BBS12: variants seen among roughly 807,000 people sequenced by gnomAD.
BBS12 encodes Bardet-Biedl syndrome 12.
In BBS12, 5 loss-of-function variants were observed where a neutral mutation model predicts 5.6. That is an observed-to-expected ratio of 0.89 (90% confidence interval 0.46 to 1.86). The LOEUF (loss-of-function observed/expected upper bound fraction) is 1.86, where lower values mean the gene tolerates loss of function less well. BBS12 is among the 40% of genes most tolerant of loss of function. The pLI, the probability that BBS12 is intolerant of heterozygous loss-of-function variation, is 0.01. For missense variants in BBS12, 748 were observed against 830.4 expected, an observed-to-expected ratio of 0.90 and a Z score of 1.22; for synonymous variants, 308 against 306.8, an observed-to-expected ratio of 1.00 and a Z score of -0.04.
intron 1 of BBS12, among the ~76,000 whole-genome samples, chr4:122,738,060 A>G (rs769178131): frequency 1.3e-5 from 2 of 152,246 alleles, no homozygotes; most frequent in African/African-American, 2.4e-5. Context: ...AGATGAAACT[A>G]TAAAACTCTT....
chr4:122,725,477 G>C, the BBS12 span, among the ~76,000 whole-genome samples: 6 of 152,296 alleles, frequency 3.9e-5, no homozygotes, highest in South Asian at 6.2e-4. Flanking sequence ...ACAGCCAACT[G>C]ATCTTCGACA....
the BBS12 span, among the ~76,000 whole-genome samples, chr4:122,711,359 G>GAA: frequency 2.0e-4 from 27 of 135,112 alleles, 1 homozygote; most frequent in East Asian, 1.3e-3. Context: ...ATCCTGATTG[G>GAA]AAAAAAAAAA....
chr4:122,740,283 A>G (rs1486779630), intron 1 of BBS12, among the ~76,000 whole-genome samples: 2 of 152,224 alleles, frequency 1.3e-5, no homozygotes, highest in Non-Finnish European at 2.9e-5. Flanking sequence ...AAAAATAAAA[A>G]GAATGCTAAT....
intron 1 of BBS12, among the ~76,000 whole-genome samples, chr4:122,738,956 A>T (rs965305427): frequency 4.6e-5 from 7 of 152,182 alleles, no homozygotes; most frequent in Non-Finnish European, 1.0e-4. Flanking sequence ...TTCTTTGTAG[A>T]TGTAATTAGC....
In BBS12 at chr4:122,742,568, T is replaced by G. The variant is rs761533629; in HGVS notation, c.676T>G (p.Cys226Gly). ...AAACAGCCTGCTTGCAGATACCTGC[T>G]GCAGACAGTCAATACTAATCCACAG... ...LKNSLLADTC[C>G]RQSILIHSRH... is the part of the protein sequence containing the mutation. Residue 226 changes from cysteine (C) to glycine (G), a missense_variant, in exon 2 of 2, where the codon TGC (cysteine) becomes GGC (glycine). Coordinates refer to ENST00000314218, the MANE Select transcript of BBS12 (RefSeq NM_152618.3). 1 of 1,614,216 alleles carries G rather than the reference T, an allele frequency of 6.2e-7. No homozygotes were observed. Among genetic ancestry groups the G allele is most frequent in the Non-Finnish European group, 8.5e-7 (1 of 1,180,038 alleles).
chr4:122,709,530 G>C, the BBS12 span, among the ~76,000 whole-genome samples: 1 of 152,148 alleles, frequency 6.6e-6, no homozygotes, highest in Non-Finnish European at 1.5e-5. Flanking sequence ...ATTCTAATAG[G>C]TTACTCAGTG....
the BBS12 span, among the ~76,000 whole-genome samples, chr4:122,700,550 TC>T: frequency 1.3e-5 from 2 of 152,200 alleles, no homozygotes; most frequent in Non-Finnish European, 2.9e-5. Context: ...GATTCTGTTG[TC>T]CTTTGCTGCC....
the BBS12 span, among the ~76,000 whole-genome samples, chr4:122,702,213 A>C: frequency 1.3e-5 from 2 of 152,218 alleles, no homozygotes; most frequent in Non-Finnish European, 2.9e-5. Context: ...CAGTAGCTGG[A>C]ACTACAGGCA....
At chr4:122,740,323 C>A (rs1480901744) in intron 1 of BBS12, among the ~76,000 whole-genome samples, 1 of 152,164 alleles carries the variant, frequency 6.6e-6, no homozygotes, top group Non-Finnish European at 1.5e-5. Context: ...ACTTGTAATA[C>A]TGGGGATCTC....
Position 122,742,937 on chromosome 4 carries a change from T to C in BBS12, c.1045T>C (p.Leu349=), listed in dbSNP as rs1029412033. The stretch of plus-strand genomic sequence containing the variant: ...ATCTAATAATCCTGTGATCAAGGAA[T>C]TGCAGAATCAGCCTGTGCGAATAGT... ...SVSNNPVIKE[L]QNQPVRIVLI... Residue 349 remains leucine (L), a synonymous_variant, in exon 2 of 2, where the codon TTG becomes CTG. Transcript: ENST00000314218. 1.2e-6 allele frequency: 2 copies of C among 1,614,224 alleles called. No individual in the cohort carries two copies. The highest frequency in any genetic ancestry group is 8.5e-7 in the Non-Finnish European group (1 of 1,180,024).
At chr4:122,711,819 G>A in the BBS12 span, among the ~76,000 whole-genome samples, 2 of 152,198 alleles carry the variant, frequency 1.3e-5, no homozygotes, top group South Asian at 2.1e-4. Flanking sequence ...TACAAACCTG[G>A]TAAAGCATTA....
the BBS12 span, among the ~76,000 whole-genome samples, chr4:122,706,085 T>C: frequency 6.6e-6 from 1 of 152,194 alleles, no homozygotes; most frequent in African/African-American, 2.4e-5. Flanking sequence ...AATTGCTGTA[T>C]TGAAAGGCTG....
At chr4:122,726,487 A>G in the BBS12 span, among the ~76,000 whole-genome samples, 1 of 152,208 alleles carries the variant, frequency 6.6e-6, no homozygotes, top group Non-Finnish European at 1.5e-5. Flanking sequence ...AAGGTAAACT[A>G]ATACAGCCAC....
Position 122,743,428 on chromosome 4 carries a change from G to A in BBS12, c.1536G>A (p.Met512Ile). The A allele has an allele frequency of 1.9e-6, 3 of 1,614,060 alleles. No individual in the cohort carries two copies. The highest frequency in any genetic ancestry group is 2.5e-6 in the Non-Finnish European group (3 of 1,179,892). Reference sequence around the variant, plus strand: ...TCACTAACCCAGTTACTGCACAGATGCAAATCAAAGAAGATAGGTTCTGGA... The same window carrying A: ...TCACTAACCCAGTTACTGCACAGATACAAATCAAAGAAGATAGGTTCTGGA... ...AVLTNPVTAQMQIKEDRFWTC... is the reference protein window; with the variant it reads ...AVLTNPVTAQIQIKEDRFWTC... Residue 512 changes from methionine (M) to isoleucine (I), a missense_variant, in exon 2 of 2, where the codon ATG (methionine) becomes ATA (isoleucine). Physicochemically the swap from Met to Ile is conservative, Grantham distance 10. Transcript: ENST00000314218.
In BBS12 at chr4:122,744,607, G is replaced by A. The variant is rs182880657; in HGVS notation, c.*582G>A. 6.0e-6 allele frequency: 1 copy of A among 167,340 alleles called. No individual in the cohort carries two copies. The allele number at this position is 167,340 out of a possible 1,614,324, so 10.4% of individuals were successfully genotyped here. ...AGTGGATAGTCTCTTCCAACAGTCT[G>A]CTCCTCAGCCTGAGATGTTCTTGGC... On this transcript the variant is annotated 3_prime_UTR_variant, in exon 2 of 2. Coordinates refer to ENST00000314218, the MANE Select transcript of BBS12 (RefSeq NM_152618.3).
At chr4:122,713,029 T>G in the BBS12 span, among the ~76,000 whole-genome samples, 17 of 152,212 alleles carry the variant, frequency 1.1e-4, no homozygotes, top group Non-Finnish European at 2.4e-4. Flanking sequence ...TCCATCATAG[T>G]ATTTCAGATG....
Position 122,744,255 on chromosome 4 carries a change from A to G in BBS12, c.*230A>G, listed in dbSNP as rs1800953289. On this transcript the variant is annotated 3_prime_UTR_variant, in exon 2 of 2. Coordinates refer to ENST00000314218, the MANE Select transcript of BBS12 (RefSeq NM_152618.3). ...ACAGAATGCATAAGACACCTGGGTC[A>G]GAAACAAAGGACTTATCGCTCACAG... 1 of 514,548 alleles carries G rather than the reference A, an allele frequency of 1.9e-6. No individual in the cohort carries two copies. The highest frequency in any genetic ancestry group is 3.6e-5 in the Admixed American group (1 of 28,130). 31.9% of individuals were successfully genotyped at this position (514,548 alleles called of 1,614,324 possible). A position where few individuals can be genotyped will look rare whatever the true frequency, so the allele number is the denominator to read the frequency against.
Position 122,742,306 on chromosome 4 carries a change from T to G in BBS12, c.414T>G (p.Phe138Leu), listed in dbSNP as rs1560706735. Reference sequence around the variant, plus strand: ...TTCATGTACCTGTTCACAATATATTTGACTGTATGGACAGCACAAAAACAT... The same window carrying G: ...TTCATGTACCTGTTCACAATATATTGGACTGTATGGACAGCACAAAAACAT... ...VSLHVPVHNI[F>L]DCMDSTKTFS... Residue 138 changes from phenylalanine (F) to leucine (L), a missense_variant, in exon 2 of 2, where the codon TTT (phenylalanine) becomes TTG (leucine). Phe to Leu is a conservative substitution (Grantham distance 22). Transcript: ENST00000314218. 1 of 1,614,088 alleles carries G rather than the reference T, an allele frequency of 6.2e-7. No individual in the cohort carries two copies. The highest frequency in any genetic ancestry group is 8.5e-7 in the Non-Finnish European group (1 of 1,180,000).
At position 122,743,855 on chromosome 4, in the gene BBS12, A is replaced by C. The variant is rs1165325944; in HGVS notation, c.1963A>C (p.Lys655Gln). ...AATTTTTAATTCAGACATTTCAAAT[A>C]AACTGGAGCAGATTCCGAGAGTTTA... ...SRIFNSDISN[K>Q]LEQIPRVYDV... Residue 655 changes from lysine to glutamine, a missense_variant, in exon 2 of 2, where the codon AAA becomes CAA. Transcript: ENST00000314218. The C allele has an allele frequency of 6.2e-7, 1 of 1,605,336 alleles. No homozygotes were observed. The highest frequency in any genetic ancestry group is 8.5e-7 in the Non-Finnish European group (1 of 1,176,222).
Sources: allele counts gnomAD v4.1 joint callset (sites outside exome capture counted in the v4.1 genomes callset), GRCh38; gene constraint gnomAD v4.1.1; transcripts MANE v1.5; gene names NCBI Gene and HGNC (gene_info 2026-07-23, HGNC 2026-07-21).